ATP6V1A: variants seen among roughly 807,000 people sequenced by gnomAD.
ATP6V1A encodes ATPase H+ transporting V1 subunit A.
Under a neutral mutation model 70.1 loss-of-function variants are expected in ATP6V1A, and 18 were observed. The observed-to-expected ratio is 0.26, with a 90% confidence interval of 0.18 to 0.38. The LOEUF (loss-of-function observed/expected upper bound fraction) is 0.38. Among genes scored for constraint, ATP6V1A ranks in the 10% least tolerant of loss-of-function variants. ATP6V1A has a pLI of 1.00. For missense variants in ATP6V1A, 424 were observed against 772.4 expected (o/e 0.55, Z 5.35); for synonymous variants, 232 against 253.8 (o/e 0.91, Z 0.82).
At chr3:113,751,838 T>C (rs1017494598) in intron 1 of ATP6V1A, among the ~76,000 whole-genome samples, 2 of 151,818 alleles carry the variant, frequency 1.3e-5, no homozygotes, top group Admixed American at 6.6e-5. Context: ...AGAATAATGA[T>C]TTATTTACAT....
intron 1 of ATP6V1A, among the ~76,000 whole-genome samples, chr3:113,748,865 A>G (rs925015818): frequency 6.6e-6 from 1 of 152,154 alleles, no homozygotes; most frequent in Non-Finnish European, 1.5e-5. Context: ...GTAGATATAT[A>G]TATGTAGTTT....
chr3:113,757,180 G>T (rs1205115167), intron 1 of ATP6V1A, among the ~76,000 whole-genome samples: 2 of 152,168 alleles, frequency 1.3e-5, no homozygotes, highest in Non-Finnish European at 2.9e-5. Flanking sequence ...TACCTGCAGT[G>T]CCTGAATATG....
intron 3 of ATP6V1A, among the ~76,000 whole-genome samples, chr3:113,783,755 C>A (rs1225155380): frequency 2.6e-5 from 4 of 152,126 alleles, no homozygotes; most frequent in African/African-American, 9.7e-5. Flanking sequence ...TCAATGATGT[C>A]ATATCTTTGC....
At chr3:113,765,262 GT>G (rs755728042) in intron 1 of ATP6V1A, among the ~76,000 whole-genome samples, 19 of 152,116 alleles carry the variant, frequency 1.2e-4, no homozygotes, top group East Asian at 9.7e-4. Flanking sequence ...GGTTATGTTT[GT>G]GTTATAAAGC....
At chr3:113,761,371 ATT>A (rs752337436) in intron 1 of ATP6V1A, among the ~76,000 whole-genome samples, 1 of 144,146 alleles carries the variant, frequency 6.9e-6, no homozygotes. Context: ...GCTGCTCATG[ATT>A]TTTTTTTTTT....
chr3:113,780,486 G>A (rs1708965529), intron 2 of ATP6V1A, among the ~76,000 whole-genome samples: 1 of 152,146 alleles, frequency 6.6e-6, no homozygotes, highest in Non-Finnish European at 1.5e-5. Context: ...AAAAAATTTT[G>A]TAGATGTGTG....
chr3:113,754,028 C>T (rs1708619582), intron 1 of ATP6V1A, among the ~76,000 whole-genome samples: 1 of 152,030 alleles, frequency 6.6e-6, no homozygotes, highest in African/African-American at 2.4e-5. Flanking sequence ...ACCTGGTTGT[C>T]ACCGTTGGAA....
intron 3 of ATP6V1A, among the ~76,000 whole-genome samples, chr3:113,782,898 G>A (rs906705028): frequency 4.6e-5 from 7 of 151,844 alleles, no homozygotes; most frequent in African/African-American, 1.5e-4. Flanking sequence ...GCATATTTTA[G>A]GTACTGTTAT....
intron 1 of ATP6V1A, among the ~76,000 whole-genome samples, chr3:113,756,219 ACC>A (rs1392842013): frequency 1.3e-5 from 2 of 152,162 alleles, no homozygotes; most frequent in African/African-American, 2.4e-5. Flanking sequence ...CTGCCATAAT[ACC>A]GCTAAACATG....
chr3:113,804,557 C>A (rs773223378), intron 13 of ATP6V1A, among the ~76,000 whole-genome samples: 3 of 152,028 alleles, frequency 2.0e-5, no homozygotes, highest in Non-Finnish European at 4.4e-5. Flanking sequence ...ATATTTGGCC[C>A]CATATAAGAC....
In ATP6V1A at chr3:113,811,847, C is replaced by T. The variant is rs946709617; in HGVS notation, c.*2420C>T. On this transcript the variant is annotated 3_prime_UTR_variant, in exon 15 of 15. Coordinates refer to ENST00000273398, the MANE Select transcript of ATP6V1A (RefSeq NM_001690.4). Reference sequence around the variant, plus strand: ...TGTATTTATTGTGCTGTGTCTGGTCCTAAGTGGAGCCAATTAAACAAGTTT... The same window carrying T: ...TGTATTTATTGTGCTGTGTCTGGTCTTAAGTGGAGCCAATTAAACAAGTTT... The T allele has an allele frequency of 1.3e-5, 2 of 152,536 alleles. No homozygotes were observed. Among genetic ancestry groups the T allele is most frequent in the African/African-American group, 2.4e-5 (1 of 41,426 alleles). 9.4% of individuals were successfully genotyped at this position (152,536 alleles called of 1,614,324 possible).
chr3:113,784,890 C>T (rs946242950), intron 5 of ATP6V1A, 57 bp downstream of exon 5: 10 of 1,551,406 alleles, frequency 6.4e-6, no homozygotes, highest in African/African-American at 2.7e-5. Flanking sequence ...ATGATAGCTG[C>T]CCAGTTTTAG....
At chr3:113,791,802 A>T (rs768704191) in intron 8 of ATP6V1A, among the ~76,000 whole-genome samples, 2 of 148,560 alleles carry the variant, frequency 1.3e-5, no homozygotes, top group Non-Finnish European at 3.0e-5. Flanking sequence ...TTTGATGCCA[A>T]ACTGAGTACA....
intron 8 of ATP6V1A, among the ~76,000 whole-genome samples, chr3:113,790,633 C>G (rs1162745253): frequency 6.6e-6 from 1 of 152,136 alleles, no homozygotes; most frequent in Non-Finnish European, 1.5e-5. Flanking sequence ...TATTCTGTAG[C>G]CATAAAGCCA....
chr3:113,762,770 G>T (rs1361532827), intron 1 of ATP6V1A, among the ~76,000 whole-genome samples: 1 of 152,016 alleles, frequency 6.6e-6, no homozygotes, highest in East Asian at 1.9e-4. Flanking sequence ...AGTACATTTT[G>T]TGGGGGGGGA....
chr3:113,762,806 ATAC>A (rs1708720936), intron 1 of ATP6V1A, among the ~76,000 whole-genome samples: 1 of 152,186 alleles, frequency 6.6e-6, no homozygotes, highest in Non-Finnish European at 1.5e-5. Flanking sequence ...AGATAAATTA[ATAC>A]TACATTATGT....
At chr3:113,780,903 C>T in intron 2 of ATP6V1A, 147 bp from the exon 3 acceptor site, 1 of 1,293,768 alleles carries the variant, frequency 7.7e-7, no homozygotes, top group South Asian at 1.5e-5. Flanking sequence ...TGTGAAACTA[C>T]CAGTATGTTC....
intron 3 of ATP6V1A, among the ~76,000 whole-genome samples, chr3:113,782,573 C>CACATATATATATATAT (rs1308546543): frequency 7.1e-6 from 1 of 141,208 alleles, no homozygotes; most frequent in Admixed American, 7.2e-5. Context: ...TATATATATA[C>CACATATATATATATAT]GTATATATAT....
Position 113,784,844 on chromosome 3 carries a change from T to G in ATP6V1A, c.564+11T>G, listed in dbSNP as rs1344681000. On this transcript the variant is annotated intron_variant, in intron 5 of 14. Coordinates refer to ENST00000273398, the MANE Select transcript of ATP6V1A (RefSeq NM_001690.4). ...AATTATGATACCTCTGTAAGTATCA[T>G]TTGAACTTTATCCTGCAGAGTGCCT... The G allele has an allele frequency of 6.2e-7, 1 of 1,613,378 alleles. No homozygotes were observed. The highest frequency in any genetic ancestry group is 1.7e-5 in the Admixed American group (1 of 59,984).
Sources: gnomAD v4.1 joint callset for allele counts (sites outside exome capture counted in the v4.1 genomes callset) on GRCh38, gnomAD v4.1.1 for gene constraint, MANE v1.5 for transcripts, NCBI Gene and HGNC (gene_info 2026-07-23, HGNC 2026-07-21) for gene names.